NPEPPS: variants seen among roughly 807,000 people sequenced by gnomAD.
NPEPPS encodes aminopeptidase puromycin sensitive.
A neutral mutation model predicts 115.5 loss-of-function variants in NPEPPS; 14 were observed. That is an observed-to-expected ratio of 0.12 (90% CI 0.08 to 0.19). NPEPPS has a LOEUF of 0.19. Among genes scored for constraint, NPEPPS ranks in the 10% least tolerant of loss-of-function variants. The probability of loss-of-function intolerance (pLI) is 1.00; values close to 1 mark genes in which losing one functional copy is unlikely to be tolerated. For synonymous variants in NPEPPS, 285 were observed against 390.6 expected, an observed-to-expected ratio of 0.73 and a Z score of 3.19; for missense variants, 523 against 1,110.8, an observed-to-expected ratio of 0.47 and a Z score of 7.52.
chr17:47,563,955 A>G (rs1910625231), intron 2 of NPEPPS, among the ~76,000 whole-genome samples: 1 of 151,236 alleles, frequency 6.6e-6, no homozygotes, highest in African/African-American at 2.4e-5. Flanking sequence ...TTTCTTTGAG[A>G]TGGAGTCTCA....
At chr17:47,584,596 A>G (rs1327095274) in intron 5 of NPEPPS, among the ~76,000 whole-genome samples, 1 of 152,224 alleles carries the variant, frequency 6.6e-6, no homozygotes, top group Non-Finnish European at 1.5e-5. Flanking sequence ...ACACTTTAGT[A>G]TGAGTGAATT....
chr17:47,609,030 C>A (rs969894276), intron 17 of NPEPPS, among the ~76,000 whole-genome samples: 1 of 151,618 alleles, frequency 6.6e-6, no homozygotes, highest in Non-Finnish European at 1.5e-5. Flanking sequence ...CTGAGAAGAT[C>A]AGAGAAAAGG....
At chr17:47,610,442 G>A (rs988263954) in intron 17 of NPEPPS, among the ~76,000 whole-genome samples, 2 of 151,728 alleles carry the variant, frequency 1.3e-5, no homozygotes, top group African/African-American at 4.8e-5. Flanking sequence ...GGAGTGCAGT[G>A]GTGCGATCTC....
At chr17:47,548,590 CTTTTTTTTTTTT>C (rs538733982) in intron 2 of NPEPPS, among the ~76,000 whole-genome samples, 4 of 104,726 alleles carry the variant, frequency 3.8e-5, no homozygotes, top group African/African-American at 7.1e-5. Context: ...CTGAAAAGTT[CTTTTTTTTTTTT>C]TTTTTTTTTG....
intron 2 of NPEPPS, among the ~76,000 whole-genome samples, chr17:47,547,919 G>A (rs1044335110): frequency 1.3e-5 from 2 of 152,048 alleles, no homozygotes; most frequent in Non-Finnish European, 2.9e-5. Context: ...CCAGCTACTC[G>A]GGAGGTTGAG....
At chr17:47,549,900 A>T (rs1334411520) in intron 2 of NPEPPS, among the ~76,000 whole-genome samples, 2 of 149,478 alleles carry the variant, frequency 1.3e-5, no homozygotes, top group Admixed American at 6.8e-5. Flanking sequence ...TCAGAAAATT[A>T]CTCTCAAGGC....
At position 47,596,482 on chromosome 17, in the gene NPEPPS, C is replaced by A; in HGVS notation, c.1536+20C>A. ...GAACAGGTAAACATATAAAGTCTTTCCATTTGTCTGATATTGTATTAAATG... is the reference window on the plus strand; with the variant it reads ...GAACAGGTAAACATATAAAGTCTTTACATTTGTCTGATATTGTATTAAATG... On this transcript the variant is annotated intron_variant, in intron 13 of 22. Transcript: ENST00000322157. 10 of 1,458,290 alleles carry A rather than the reference C, an allele frequency of 6.9e-6. No individual in the cohort carries two copies. The highest frequency in any genetic ancestry group is 1.4e-5 in the African/African-American group (1 of 71,330). 90.3% of individuals were successfully genotyped at this position (1,458,290 alleles called of 1,614,324 possible). A position where few individuals can be genotyped will look rare whatever the true frequency, so the allele number is the denominator to read the frequency against.
At chr17:47,621,132 G>GCA (rs1567876131) in intron 22 of NPEPPS, among the ~76,000 whole-genome samples, 1 of 140,550 alleles carries the variant, frequency 7.1e-6, no homozygotes. Context: ...GATGAGCCAT[G>GCA]ATCGTTTCAT....
Position 47,605,426 on chromosome 17 carries a change from T to G in NPEPPS, c.1969T>G (p.Cys657Gly), listed in dbSNP as rs746468578. 2.5e-6 allele frequency: 4 copies of G among 1,610,850 alleles called. No homozygotes were observed. Among genetic ancestry groups the G allele is most frequent in the Non-Finnish European group, 3.4e-6 (4 of 1,178,442 alleles). ...TTATACTGTATGGAGCGACCTGAGC[T>G]GTAACCTGGGGATTCTCTCAACTCT... The part of the protein sequence containing the change: ...PNYTVWSDLS[C>G]NLGILSTLLS... The change falls in exon 17 of 23, where the codon TGT becomes GGT. Residue 657 changes from cysteine (C) to glycine (G), a missense_variant. By Grantham distance (159) the Cys-to-Gly change is radical. Transcript: ENST00000322157.
At position 47,553,595 on chromosome 17, in the gene NPEPPS, C is replaced by T. The variant is rs374321204; in HGVS notation, c.340+7602C>T. 2.6e-5 allele frequency among the ~76,000 whole-genome samples: 4 copies of T among 151,952 alleles called. No individual in the cohort carries two copies. In the East Asian group the frequency reaches 7.7e-4, roughly 29 times the overall value. ...GTATGCCTGAAACCACAGATAGTAG[C>T]AAAACTTATATATGCTATGTTTTTC... is the stretch of plus-strand genomic sequence containing the variant. On this transcript the variant is annotated intron_variant, in intron 2 of 22. Transcript: ENST00000322157.
At chr17:47,524,695 G>A (rs926840259) in intron 1 of NPEPPS, among the ~76,000 whole-genome samples, 4 of 150,198 alleles carry the variant, frequency 2.7e-5, no homozygotes, top group Admixed American at 6.7e-5. Context: ...TAGTAAAGAC[G>A]GGGTTTCACT....
chr17:47,555,981 CTTTTTTTTTTTT>C (rs886460288), intron 2 of NPEPPS, among the ~76,000 whole-genome samples: 99 of 63,066 alleles, frequency 1.6e-3, no homozygotes, highest in Middle Eastern at 0.011. Flanking sequence ...TTCTGTTTTA[CTTTTTTTTTTTT>C]TTTTTTTTTT....
chr17:47,533,685 C>T (rs931942567), intron 1 of NPEPPS, among the ~76,000 whole-genome samples: 4 of 151,988 alleles, frequency 2.6e-5, no homozygotes, highest in African/African-American at 9.7e-5. Context: ...CATGTTTCTC[C>T]TTACCTCTTT....
intron 2 of NPEPPS, among the ~76,000 whole-genome samples, chr17:47,548,647 G>T (rs1357567592): frequency 2.1e-5 from 3 of 142,292 alleles, no homozygotes; most frequent in African/African-American, 2.6e-5. Flanking sequence ...AACGATCTCG[G>T]CTTGCTGCAA....
At chr17:47,539,090 T>C (rs1176536590) in intron 1 of NPEPPS, among the ~76,000 whole-genome samples, 1 of 151,670 alleles carries the variant, frequency 6.6e-6, no homozygotes, top group Non-Finnish European at 1.5e-5. Context: ...TTTTGGCTTT[T>C]CATCTAGGCC....
chr17:47,535,734 C>T (rs1287863638), intron 1 of NPEPPS, among the ~76,000 whole-genome samples: 8 of 149,438 alleles, frequency 5.4e-5, no homozygotes, highest in Non-Finnish European at 8.9e-5. Context: ...TGATCCTCTC[C>T]GTTTGTGGAT....
At chr17:47,605,901 G>T (rs928584153) in intron 17 of NPEPPS, among the ~76,000 whole-genome samples, 2 of 152,038 alleles carry the variant, frequency 1.3e-5, no homozygotes, top group African/African-American at 4.8e-5. Context: ...TTTTGAGACG[G>T]AGTTTCATTC....
intron 1 of NPEPPS, among the ~76,000 whole-genome samples, chr17:47,535,309 T>G (rs568118341): frequency 6.9e-6 from 1 of 145,446 alleles, no homozygotes; most frequent in East Asian, 2.1e-4. Flanking sequence ...CCCAGCACTT[T>G]GGGAGGCAGA....
intron 1 of NPEPPS, among the ~76,000 whole-genome samples, chr17:47,536,234 TAACAA>T (rs1302319945): frequency 6.6e-6 from 1 of 152,114 alleles, no homozygotes; most frequent in East Asian, 1.9e-4. Flanking sequence ...TGGCCTCTAC[TAACAA>T]AATATACATG....
Sources: gnomAD v4.1 joint callset for allele counts (sites outside exome capture counted in the v4.1 genomes callset) on GRCh38, gnomAD v4.1.1 for gene constraint, MANE v1.5 for transcripts, NCBI Gene and HGNC (gene_info 2026-07-23, HGNC 2026-07-21) for gene names.